GSDMA: variants seen among roughly 807,000 people sequenced by gnomAD.
GSDMA encodes gasdermin A, also known as gasdermin-A.
In GSDMA, 55 loss-of-function variants were observed where a neutral mutation model predicts 54.3. The observed-to-expected ratio is 1.01, with a 90% CI of 0.82 to 1.27. The LOEUF (loss-of-function observed/expected upper bound fraction) is 1.27. GSDMA is among the 50% of genes most tolerant of loss of function. GSDMA has a pLI of 0.00. For synonymous variants in GSDMA, 211 were observed against 224.7 expected (o/e 0.94, Z 0.54); for missense variants, 542 against 542.6 (o/e 1.00, Z 0.01).
intron 7 of GSDMA, 104 bp downstream of exon 7, chr17:39,972,717 G>A (rs1171305966): frequency 1.2e-5 from 12 of 1,012,292 alleles, no homozygotes; most frequent in South Asian, 2.8e-5. Flanking sequence ...ATAGCAGAGC[G>A]AATCTCAGCA....
rs781624237 is a variant in GSDMA, at chr17:39,976,880, A to AGCTGCTC, written c.1161_1167dup (p.Ser390AlafsTer95). On this transcript the variant is annotated frameshift_variant, in exon 12 of 12. Coordinates refer to ENST00000301659, the MANE Select transcript of GSDMA (RefSeq NM_178171.5). LOFTEE classifies it high-confidence loss of function. The stretch of plus-strand genomic sequence containing the variant: ...GAGGGTGTTTTCCCCCTGCAACCTG[A>AGCTGCTC]GCTGCTCTCCTCCCTTGGGGACGAG... 7 of 1,613,812 alleles carry AGCTGCTC rather than the reference A, an allele frequency of 4.3e-6. No individual in the cohort carries two copies. Among genetic ancestry groups the AGCTGCTC allele is most frequent in the Non-Finnish European group, 5.9e-6 (7 of 1,179,890 alleles).
At chr17:39,968,745 T>C (rs1979794405) in intron 3 of GSDMA, among the ~76,000 whole-genome samples, 1 of 152,128 alleles carries the variant, frequency 6.6e-6, no homozygotes, top group Non-Finnish European at 1.5e-5. Context: ...GCAATGCCCA[T>C]TGCCAACGGT....
intron 11 of GSDMA, 23 bp downstream of exon 11, chr17:39,976,020 T>C: frequency 1.3e-6 from 2 of 1,553,904 alleles, no homozygotes; most frequent in Non-Finnish European, 8.8e-7. Context: ...CAGCAGATGC[T>C]GGGGAGAGTC....
rs777803091 is a variant in GSDMA, at chr17:39,975,911, T to C, written c.1022-13T>C. 6.3e-7 allele frequency: 1 copy of C among 1,580,774 alleles called. No individual in the cohort carries two copies. On this transcript the variant is annotated splice_polypyrimidine_tract_variant and intron_variant, in intron 10 of 11. Coordinates refer to ENST00000301659, the MANE Select transcript of GSDMA (RefSeq NM_178171.5). ...ACCAGCAACACACATCTTTCTCTGCTTTTTTTCTCCAGAGCTAAGTGAAGC... is the reference window on the plus strand; with the variant it reads ...ACCAGCAACACACATCTTTCTCTGCCTTTTTTCTCCAGAGCTAAGTGAAGC...
rs1465727811 is a variant in GSDMA at position 39,974,360 on chromosome 17, G to A, written c.839G>A (p.Ser280Asn). 1 of 1,603,546 alleles carries A rather than the reference G, an allele frequency of 6.2e-7. No homozygotes were observed. Among genetic ancestry groups the A allele is most frequent in the Non-Finnish European group, 8.5e-7 (1 of 1,175,034 alleles). ...QVEKLSRVGQ[S>N]SLLSSLSKLL... ...GAGAAGCTGAGCCGAGTAGGGCAAA[G>A]CTCCCTGCTCAGCTCCCTCAGCAAA... Residue 280 changes from serine to asparagine, a missense_variant, in exon 9 of 12, where the codon AGC (serine) becomes AAC (asparagine). Ser to Asn is a conservative substitution (Grantham distance 46). Transcript: ENST00000301659.
intron 10 of GSDMA, among the ~76,000 whole-genome samples, 170 bp from the exon 11 acceptor site, chr17:39,975,754 C>G (rs545970037): frequency 1.8e-4 from 28 of 152,290 alleles, no homozygotes; most frequent in Admixed American, 1.7e-3. Context: ...CTTAGGAAGC[C>G]TGCCCTCCGA....
chr17:39,970,909 G>A (rs1979910918), intron 4 of GSDMA, among the ~76,000 whole-genome samples: 1 of 152,230 alleles, frequency 6.6e-6, no homozygotes, highest in South Asian at 2.1e-4. Context: ...GAAGGGGAAA[G>A]TCACATTCCT....
rs375795508 is a variant in GSDMA, at chr17:39,970,554, G to A, written c.465G>A (p.Glu155=). 1.2e-6 allele frequency: 2 copies of A among 1,610,600 alleles called. No homozygotes were observed. The highest frequency in any genetic ancestry group is 1.7e-6 in the Non-Finnish European group (2 of 1,178,204). Reference sequence around the variant, plus strand: ...GGGAGAACCTGTATGTGGTGATGGAGGTGGTGGAGACGGTGCAGGAGGTCA... The same window carrying A: ...GGGAGAACCTGTATGTGGTGATGGAAGTGGTGGAGACGGTGCAGGAGGTCA... The part of the protein sequence containing the change: ...DQGENLYVVM[E]VVETVQEVTL... The change falls in exon 4 of 12, where the codon GAG becomes GAA. Residue 155 remains glutamate, a synonymous_variant. Coordinates refer to ENST00000301659, the MANE Select transcript of GSDMA (RefSeq NM_178171.5).
At chr17:39,970,143 G>T (rs144161765) in intron 3 of GSDMA, among the ~76,000 whole-genome samples, 1 of 152,162 alleles carries the variant, frequency 6.6e-6, no homozygotes, top group East Asian at 1.9e-4. Context: ...GGAAAGAGGG[G>T]GGGAGCATCT....
chr17:39,965,937 T>C (rs1276849913), intron 2 of GSDMA, 36 bp downstream of exon 2: 6 of 1,533,840 alleles, frequency 3.9e-6, no homozygotes, highest in Non-Finnish European at 5.3e-6. Flanking sequence ...TGAGGGATAC[T>C]GAGGGACAGG....
chr17:39,967,854 A>G (rs570209186), intron 3 of GSDMA, among the ~76,000 whole-genome samples: 2 of 150,314 alleles, frequency 1.3e-5, no homozygotes, highest in African/African-American at 5.0e-5. Flanking sequence ...TTATTTATTT[A>G]TTTTATTTAT....
At position 39,975,494 on chromosome 17, in the gene GSDMA, T is replaced by A. The variant is rs151195883; in HGVS notation, c.1022-430T>A. On this transcript the variant is annotated intron_variant, in intron 10 of 11. Coordinates refer to ENST00000301659, the MANE Select transcript of GSDMA (RefSeq NM_178171.5). ...ATTCCTAAGGATTTGCTTGGTCACATTGGGTAGTCTGAGAAGACAGCCTAG... is the reference window on the plus strand; with the variant it reads ...ATTCCTAAGGATTTGCTTGGTCACAATGGGTAGTCTGAGAAGACAGCCTAG... Among the ~76,000 whole-genome samples the A allele has an allele frequency of 8.4e-4, 128 of 151,942 alleles. 2 individuals are homozygous for A. The highest frequency in any genetic ancestry group is 2.9e-3 in the African/African-American group (120 of 41,434).
chr17:39,976,719 C>A, intron 11 of GSDMA, 97 bp from the exon 12 acceptor site: 2 of 1,507,108 alleles, frequency 1.3e-6, no homozygotes, highest in South Asian at 1.2e-5. Context: ...GTAAGGAATT[C>A]TAATAAGGGG....
rs138902389 is a variant in GSDMA at position 39,964,852 on chromosome 17, C to T, written c.-5-831C>T. 6.2e-4 allele frequency among the ~76,000 whole-genome samples: 95 copies of T among 152,162 alleles called. No homozygotes were observed. The East Asian group carries it at 0.015, about 25-fold the overall frequency. ...TGCTAAATAAATGCTCTAGACCAGG[C>T]GCAGTGGCTCACACCTGTAATCCCA... On this transcript the variant is annotated intron_variant, in intron 1 of 11. Transcript: ENST00000301659.
rs767159876 is a variant in GSDMA, at chr17:39,965,851, G to A, written c.164G>A (p.Arg55His). ...CTCTTCTGGGGGGCCCGGTACGTCC[G>A]CACCGACTACACGCTGCTGGATGTG... is the stretch of plus-strand genomic sequence containing the variant. ...STLFWGARYV[R>H]TDYTLLDVLE... The change falls in exon 2 of 12, where the codon CGC becomes CAC. Residue 55 changes from arginine (R) to histidine (H), a missense_variant. Physicochemically the swap from Arg to His is conservative, Grantham distance 29 (BLOSUM62 0). Transcript: ENST00000301659. 4.3e-5 allele frequency: 67 copies of A among 1,567,974 alleles called. No individual in the cohort carries two copies. The highest frequency in any genetic ancestry group is 5.3e-5 in the Non-Finnish European group (61 of 1,156,984).
intron 11 of GSDMA, among the ~76,000 whole-genome samples, chr17:39,976,403 C>T (rs546005827): frequency 1.1e-3 from 161 of 152,010 alleles, no homozygotes; most frequent in African/African-American, 3.8e-3. Context: ...CTCAGCCTCC[C>T]GAGTAGCTGG....
At chr17:39,973,063 C>A (rs971214896) in intron 7 of GSDMA, among the ~76,000 whole-genome samples, 6 of 152,272 alleles carry the variant, frequency 3.9e-5, no homozygotes, top group African/African-American at 1.4e-4. Flanking sequence ...CCTCCACCTC[C>A]CCGGTTCAAG....
At chr17:39,973,926 T>C in intron 8 of GSDMA, 96 bp downstream of exon 8, 1 of 1,180,974 alleles carries the variant, frequency 8.5e-7, no homozygotes, top group Non-Finnish European at 1.2e-6. Context: ...GTCAGCTAAC[T>C]CATGGGAAGG....
chr17:39,976,704 G>A (rs1980213757), intron 11 of GSDMA, 112 bp from the exon 12 acceptor site: 2 of 1,420,458 alleles, frequency 1.4e-6, no homozygotes, highest in Admixed American at 1.8e-5. Context: ...GTAATGTAAG[G>A]TAAAGTAAGG....
Sources: allele counts gnomAD v4.1 joint callset (sites outside exome capture counted in the v4.1 genomes callset), GRCh38; gene constraint gnomAD v4.1.1; transcripts MANE v1.5; gene names NCBI Gene and HGNC (gene_info 2026-07-23, HGNC 2026-07-21).